LRMDA: variants seen among roughly 807,000 people sequenced by gnomAD.
The protein encoded by LRMDA is leucine rich melanocyte differentiation associated, also known as leucine-rich melanocyte differentiation-associated protein.
In LRMDA, 18 loss-of-function variants were observed where a neutral mutation model predicts 29.8. The observed-to-expected ratio is 0.60, with a 90% CI of 0.42 to 0.90. LRMDA has a LOEUF of 0.90. Among genes scored for constraint, LRMDA ranks in the 40% least tolerant of loss-of-function variants. The probability of loss-of-function intolerance (pLI) is 0.00; values close to 1 mark genes in which losing one functional copy is unlikely to be tolerated. For synonymous variants in LRMDA, 125 were observed against 109.4 expected, an observed-to-expected ratio of 1.14 and a Z score of -0.89; for missense variants, 273 against 273.9, an observed-to-expected ratio of 1.00 and a Z score of 0.02.
chr10:75,676,665 C>T (rs1406823898), intron 2 of LRMDA, among the ~76,000 whole-genome samples: 2 of 152,190 alleles, frequency 1.3e-5, no homozygotes, highest in African/African-American at 4.8e-5. Context: ...CTTCTGCTTG[C>T]TCTGGCCACC....
intron 6 of LRMDA, among the ~76,000 whole-genome samples, chr10:76,481,345 G>T (rs994410950): frequency 6.6e-6 from 1 of 151,754 alleles, no homozygotes; most frequent in Non-Finnish European, 1.5e-5. Flanking sequence ...CCTTTTATTG[G>T]CCTGGTTCCT....
At chr10:76,015,356 G>C (rs1383783411) in intron 2 of LRMDA, among the ~76,000 whole-genome samples, 1 of 152,148 alleles carries the variant, frequency 6.6e-6, no homozygotes, top group Non-Finnish European at 1.5e-5. Flanking sequence ...CCCTTTCCAA[G>C]CTCATTCACG....
intron 2 of LRMDA, among the ~76,000 whole-genome samples, chr10:75,707,622 T>C (rs1448051157): frequency 6.6e-6 from 1 of 152,194 alleles, no homozygotes; most frequent in East Asian, 1.9e-4. Context: ...TTCTCCCCTT[T>C]GAGGCTGCGA....
rs148645892 is a variant in LRMDA at position 75,689,031 on chromosome 10, CA to C, written c.131+250547del. Among the ~76,000 whole-genome samples the C allele has an allele frequency of 1.4e-3, 210 of 145,994 alleles. 1 individual carries two copies. Among genetic ancestry groups the C allele is most frequent in the African/African-American group, 4.8e-3 (191 of 40,166 alleles). ...CATAACTTTTATATGTATGGGGAAA[CA>C]AAAAAAAAACCCAATTTGGATTGTT... On this transcript the variant is annotated intron_variant, in intron 2 of 6. Transcript: ENST00000611255.
At chr10:75,752,641 T>G (rs1033361424) in intron 2 of LRMDA, among the ~76,000 whole-genome samples, 1 of 152,216 alleles carries the variant, frequency 6.6e-6, no homozygotes, top group Non-Finnish European at 1.5e-5. Context: ...GGTTTGTTCC[T>G]AAATGAGACC....
At chr10:75,982,919 C>A (rs986009113) in intron 2 of LRMDA, among the ~76,000 whole-genome samples, 2 of 152,158 alleles carry the variant, frequency 1.3e-5, no homozygotes, top group Non-Finnish European at 2.9e-5. Context: ...AGCAGCCTCG[C>A]AAGGAGCACA....
intron 2 of LRMDA, among the ~76,000 whole-genome samples, chr10:75,932,767 T>C (rs1197853904): frequency 3.9e-5 from 6 of 152,226 alleles, no homozygotes; most frequent in Non-Finnish European, 8.8e-5. Context: ...GTTATCACTT[T>C]ATCTTGGCTA....
chr10:76,133,481 C>T (rs1479305328), intron 5 of LRMDA, among the ~76,000 whole-genome samples: 4 of 152,208 alleles, frequency 2.6e-5, no homozygotes, highest in African/African-American at 4.8e-5. Flanking sequence ...GAACCTTGCC[C>T]AGGAAACCCA....
intron 6 of LRMDA, among the ~76,000 whole-genome samples, chr10:76,390,776 T>G (rs1841714656): frequency 6.6e-6 from 1 of 152,126 alleles, no homozygotes; most frequent in Non-Finnish European, 1.5e-5. Flanking sequence ...CAGGGTCCAT[T>G]CAGATTTGTC....
chr10:75,717,271 ATTG>A (rs1425734857), intron 2 of LRMDA, among the ~76,000 whole-genome samples: 3 of 151,924 alleles, frequency 2.0e-5, no homozygotes, highest in Admixed American at 6.5e-5. Flanking sequence ...TTCAGCAGGC[ATTG>A]TAAATCTGCA....
intron 2 of LRMDA, among the ~76,000 whole-genome samples, chr10:75,871,579 C>T (rs1333623320): frequency 1.3e-5 from 2 of 152,188 alleles, no homozygotes; most frequent in African/African-American, 4.8e-5. Context: ...CCTCCCCTCC[C>T]TTTCCTGCTC....
At chr10:75,915,121 T>C (rs12779123) in intron 2 of LRMDA, among the ~76,000 whole-genome samples, 1 of 27,632 alleles carries the variant, frequency 3.6e-5, no homozygotes, top group Non-Finnish European at 5.2e-5. Flanking sequence ...TCTAACCTTC[T>C]TTTTTTTTTT....
At chr10:75,580,322 C>T (rs2195627) in intron 2 of LRMDA, among the ~76,000 whole-genome samples, 146,410 of 152,296 alleles carry the variant, frequency 0.96, 70,416 homozygotes, top group African/African-American at 0.98. Flanking sequence ...CCATTCACAA[C>T]TGCTACAAAG....
chr10:76,252,306 G>A (rs552736393), intron 5 of LRMDA, among the ~76,000 whole-genome samples: 6 of 152,288 alleles, frequency 3.9e-5, no homozygotes, highest in African/African-American at 1.4e-4. Flanking sequence ...AGGAAAAAAG[G>A]ATTGCAGATA....
Position 76,264,445 on chromosome 10 carries a change from A to C in LRMDA, c.517-59956A>C, listed in dbSNP as rs796936675. ...AAAAAAAAAAAAAAAAAAAAAAAAA[A>C]AAAAAAAAAAAACACGGAAGCAGAT... is the stretch of plus-strand genomic sequence containing the variant. On this transcript the variant is annotated intron_variant, in intron 5 of 6. Coordinates refer to ENST00000611255, the MANE Select transcript of LRMDA (RefSeq NM_001305581.2). Among the ~76,000 whole-genome samples the C allele has an allele frequency of 3.7e-3, 428 of 115,818 alleles. 9 individuals are homozygous for C. Among genetic ancestry groups the C allele is most frequent in the African/African-American group, 0.014 (401 of 29,484 alleles). 76.0% of individuals were successfully genotyped at this position (115,818 alleles called of 152,430 possible). A position where few individuals can be genotyped will look rare whatever the true frequency, so the allele number is the denominator to read the frequency against.
intron 6 of LRMDA, among the ~76,000 whole-genome samples, chr10:76,494,809 C>A (rs1214292683): frequency 6.6e-6 from 1 of 151,692 alleles, no homozygotes; most frequent in Non-Finnish European, 1.5e-5. Flanking sequence ...TTTTAATTTG[C>A]AATTTGTTTA....
chr10:75,718,855 T>G (rs1842532507), intron 2 of LRMDA, among the ~76,000 whole-genome samples: 1 of 152,228 alleles, frequency 6.6e-6, no homozygotes, highest in Admixed American at 6.5e-5. Context: ...AACCGTCATG[T>G]TAATGAGTGG....
At chr10:76,250,926 A>G (rs1054715100) in intron 5 of LRMDA, among the ~76,000 whole-genome samples, 3 of 152,156 alleles carry the variant, frequency 2.0e-5, no homozygotes, top group Non-Finnish European at 4.4e-5. Context: ...AAATTTCTTT[A>G]CTGTGCATAT....
intron 2 of LRMDA, among the ~76,000 whole-genome samples, chr10:75,573,627 A>AGATG (rs1392451204): frequency 6.6e-6 from 1 of 152,052 alleles, no homozygotes; most frequent in African/African-American, 2.4e-5. Context: ...TGTTCTATTT[A>AGATG]TTCTTTTTAA....
Sources: allele counts gnomAD v4.1 joint callset (sites outside exome capture counted in the v4.1 genomes callset), GRCh38; gene constraint gnomAD v4.1.1; transcripts MANE v1.5; gene names NCBI Gene and HGNC (gene_info 2026-07-23, HGNC 2026-07-21).